Variants in RBMS3 observed in about 807,000 individuals in gnomAD.
RBMS3 encodes RNA-binding motif, single-stranded-interacting protein 3.
RBMS3 carries 27 observed loss-of-function variants against 66.8 expected under a neutral mutation model. That is an observed-to-expected ratio of 0.40 (90% CI 0.30 to 0.56). The LOEUF (loss-of-function observed/expected upper bound fraction) is 0.56. Among genes scored for constraint, RBMS3 ranks in the 20% least tolerant of loss-of-function variants. The pLI, the probability that RBMS3 is intolerant of heterozygous loss-of-function variation, is 0.40. For missense variants in RBMS3, 513 were observed against 549.5 expected, an observed-to-expected ratio of 0.93 and a Z score of 0.66; for synonymous variants, 188 against 183.0, an observed-to-expected ratio of 1.03 and a Z score of -0.22.
intron 6 of RBMS3, among the ~76,000 whole-genome samples, chr3:29,786,416 G>T (rs2056820926): frequency 6.6e-6 from 1 of 152,130 alleles, no homozygotes; most frequent in Admixed American, 6.6e-5. Flanking sequence ...AACAAATCTG[G>T]AGGCATCACA....
chr3:29,534,082 A>G (rs986340338), intron 3 of RBMS3, among the ~76,000 whole-genome samples: 2 of 152,228 alleles, frequency 1.3e-5, no homozygotes, highest in African/African-American at 2.4e-5. Flanking sequence ...TTGTAACTTC[A>G]TGAGTAAAGT....
chr3:29,719,679 A>G (rs962290412), intron 4 of RBMS3, among the ~76,000 whole-genome samples: 1 of 152,146 alleles, frequency 6.6e-6, no homozygotes, highest in African/African-American at 2.4e-5. Flanking sequence ...ATGATAATCA[A>G]TAGTAGCTGT....
intron 1 of RBMS3, among the ~76,000 whole-genome samples, chr3:29,335,679 C>T (rs374054342): frequency 2.6e-5 from 4 of 152,290 alleles, no homozygotes; most frequent in South Asian, 2.1e-4. Flanking sequence ...CGGCGTCTGT[C>T]ACGTCTGAAG....
chr3:29,337,956 T>C (rs946195109), intron 1 of RBMS3, among the ~76,000 whole-genome samples: 10 of 152,170 alleles, frequency 6.6e-5, no homozygotes, highest in Non-Finnish European at 1.3e-4. Flanking sequence ...GACTACCTTA[T>C]AACCTTGGCT....
At chr3:29,481,149 C>T (rs1326648811) in intron 2 of RBMS3, among the ~76,000 whole-genome samples, 1 of 152,110 alleles carries the variant, frequency 6.6e-6, no homozygotes, top group East Asian at 1.9e-4. Context: ...GTTGCAATGA[C>T]TAACATGAGT....
chr3:29,355,215 G>A (rs2037147628), intron 1 of RBMS3, among the ~76,000 whole-genome samples: 2 of 152,046 alleles, frequency 1.3e-5, no homozygotes, highest in African/African-American at 2.4e-5. Context: ...TCATCATAAT[G>A]CCTGGTAGGT....
intron 6 of RBMS3, among the ~76,000 whole-genome samples, chr3:29,802,737 T>G (rs1397994111): frequency 1.7e-4 from 26 of 152,162 alleles, no homozygotes; most frequent in Admixed American, 1.7e-3. Context: ...CGGGTAAAAT[T>G]CTGACAGAGA....
In RBMS3 at chr3:29,434,933, G is replaced by A; in HGVS notation, c.248+18G>A. The A allele has an allele frequency of 3.7e-6, 6 of 1,604,928 alleles. No individual in the cohort carries two copies. The highest frequency in any genetic ancestry group is 5.1e-6 in the Non-Finnish European group (6 of 1,174,362). ...TGCCAACCGTAAGTGTCCTTCTGCTGCCCGTGCTGTTTCTCACTCCCATAC... is the reference window on the plus strand; with the variant it reads ...TGCCAACCGTAAGTGTCCTTCTGCTACCCGTGCTGTTTCTCACTCCCATAC... On this transcript the variant is annotated intron_variant, in intron 2 of 14. Transcript: ENST00000383767.
At chr3:29,930,158 C>T (rs1257530465) in intron 10 of RBMS3, among the ~76,000 whole-genome samples, 9 of 70,774 alleles carry the variant, frequency 1.3e-4, no homozygotes, top group African/African-American at 3.1e-4. Flanking sequence ...GTCTCCCAGG[C>T]TGGAGTGCAG....
At chr3:29,758,427 G>T (rs1283797423) in intron 5 of RBMS3, among the ~76,000 whole-genome samples, 1 of 152,148 alleles carries the variant, frequency 6.6e-6, no homozygotes, top group Non-Finnish European at 1.5e-5. Context: ...TCTGAGTCTT[G>T]AAATTATGTG....
At chr3:29,690,602 T>C (rs1218899309) in intron 4 of RBMS3, among the ~76,000 whole-genome samples, 2 of 152,260 alleles carry the variant, frequency 1.3e-5, no homozygotes, top group African/African-American at 4.8e-5. Flanking sequence ...AAGTGCTAAA[T>C]TGAATCTCTA....
intron 10 of RBMS3, among the ~76,000 whole-genome samples, chr3:29,919,489 G>A (rs1307108197): frequency 6.6e-6 from 1 of 152,134 alleles, no homozygotes; most frequent in Non-Finnish European, 1.5e-5. Context: ...GTATACACTC[G>A]CTTCATGTGA....
At chr3:29,825,599 A>G (rs1046527580) in intron 6 of RBMS3, among the ~76,000 whole-genome samples, 6 of 152,136 alleles carry the variant, frequency 3.9e-5, no homozygotes, top group African/African-American at 1.4e-4. Flanking sequence ...CATGTAAGAC[A>G]TGACTTTGCT....
intron 4 of RBMS3, among the ~76,000 whole-genome samples, chr3:29,733,856 T>C (rs1332817608): frequency 1.3e-5 from 2 of 152,176 alleles, no homozygotes; most frequent in Non-Finnish European, 2.9e-5. Context: ...TTATGTAGTC[T>C]TCTAGTAGTT....
intron 3 of RBMS3, among the ~76,000 whole-genome samples, chr3:29,532,237 C>CATATATATATATATAT (rs71688232): frequency 2.2e-5 from 2 of 92,138 alleles, no homozygotes; most frequent in Non-Finnish European, 2.0e-5. Flanking sequence ...TTTAATTTCG[C>CATATATATATATATAT]ATATATATGT....
chr3:29,456,317 C>T (rs1011210748), intron 2 of RBMS3, among the ~76,000 whole-genome samples: 3 of 152,012 alleles, frequency 2.0e-5, no homozygotes, highest in African/African-American at 7.3e-5. Flanking sequence ...TTCCACTCTC[C>T]CTGTAATTTG....
At chr3:29,445,412 CA>C (rs11331510) in intron 2 of RBMS3, among the ~76,000 whole-genome samples, 72,945 of 146,474 alleles carry the variant, frequency 0.5, 17,848 homozygotes, top group South Asian at 0.59. Context: ...GCTGCTGAGA[CA>C]AAAAAAAAAA....
intron 4 of RBMS3, among the ~76,000 whole-genome samples, chr3:29,680,103 C>G (rs926726781): frequency 3.9e-5 from 6 of 152,248 alleles, no homozygotes; most frequent in Admixed American, 6.5e-5. Flanking sequence ...ATACTTTGTG[C>G]CTCACAGTAT....
intron 1 of RBMS3, among the ~76,000 whole-genome samples, chr3:29,325,349 G>A (rs2035258932): frequency 6.6e-6 from 1 of 152,118 alleles, no homozygotes; most frequent in Non-Finnish European, 1.5e-5. Context: ...CTGAGGAATA[G>A]TAGAAAGGGA....
Sources: gnomAD v4.1 joint callset for allele counts (sites outside exome capture counted in the v4.1 genomes callset) on GRCh38, gnomAD v4.1.1 for gene constraint, MANE v1.5 for transcripts, NCBI Gene and HGNC (gene_info 2026-07-23, HGNC 2026-07-21) for gene names.